Variants in RGS6 observed in about 807,000 individuals in gnomAD.
The protein encoded by RGS6 is regulator of G protein signaling 6.
Under a neutral mutation model 78.5 loss-of-function variants are expected in RGS6, and 30 were observed. The observed-to-expected ratio is 0.38, with a 90% CI of 0.29 to 0.52. The LOEUF (loss-of-function observed/expected upper bound fraction) is 0.52, where lower values mean the gene tolerates loss of function less well. RGS6 is among the 20% of genes least tolerant of loss of function. The probability of loss-of-function intolerance (pLI) is 0.85; values close to 1 mark genes in which losing one functional copy is unlikely to be tolerated. For synonymous variants in RGS6, 206 were observed against 206.0 expected (o/e 1.00, Z 0.00); for missense variants, 495 against 609.7 (o/e 0.81, Z 1.98).
At chr14:72,132,132 A>T (rs2096333321) in intron 2 of RGS6, among the ~76,000 whole-genome samples, 1 of 152,164 alleles carries the variant, frequency 6.6e-6, no homozygotes. Context: ...ATTGGACCTG[A>T]TTAATTTAGA....
chr14:72,134,231 G>T (rs969626039), intron 2 of RGS6, among the ~76,000 whole-genome samples: 2 of 152,042 alleles, frequency 1.3e-5, no homozygotes, highest in African/African-American at 4.8e-5. Context: ...TGAATGTGTT[G>T]CCCATCTCTG....
chr14:71,908,000 C>G, the RGS6 span, among the ~76,000 whole-genome samples: 1 of 152,184 alleles, frequency 6.6e-6, no homozygotes, highest in African/African-American at 2.4e-5. Context: ...TCAGGATGAG[C>G]AGGCACTGAA....
intron 2 of RGS6, among the ~76,000 whole-genome samples, chr14:72,001,391 T>G (rs2083390106): frequency 6.6e-6 from 1 of 152,010 alleles, no homozygotes. Flanking sequence ...CTAGGGCCTT[T>G]TCTAGAAAAA....
At chr14:72,489,155 G>GCCC (rs1443927486) in intron 12 of RGS6, among the ~76,000 whole-genome samples, 5,251 of 114,374 alleles carry the variant, frequency 0.046, 133 homozygotes, top group East Asian at 0.17. Context: ...GGACAAAGGG[G>GCCC]GCCCCCCCAC....
In RGS6 at chr14:72,271,554, A is replaced by G. The variant is rs1405653702; in HGVS notation, c.85-80541A>G. Among the ~76,000 whole-genome samples, 3 of 152,218 alleles carry G rather than the reference A, an allele frequency of 2.0e-5. No individual in the cohort carries two copies. The South Asian group carries it at 6.2e-4, about 32-fold the overall frequency. On this transcript the variant is annotated intron_variant, in intron 2 of 17. Coordinates refer to ENST00000553525, the MANE Select transcript of RGS6 (RefSeq NM_001204424.2). ...CAAGTTCAGACTTGGTCAGTAGTCA[A>G]ATGAGCCTGTGAGAGAATGGTGCCA...
At chr14:72,573,120 G>T in the RGS6 span, among the ~76,000 whole-genome samples, 1 of 152,222 alleles carries the variant, frequency 6.6e-6, no homozygotes, top group East Asian at 1.9e-4. Flanking sequence ...AGAGCGAGTG[G>T]TCCATTTCGG....
At chr14:72,013,271 C>CAAA (rs59579709) in intron 2 of RGS6, among the ~76,000 whole-genome samples, 105 of 76,954 alleles carry the variant, frequency 1.4e-3, no homozygotes, top group Non-Finnish European at 1.7e-3. Context: ...ACTCCGTCTC[C>CAAA]AAAAAAAAAA....
At chr14:72,349,875 T>C (rs1452038263) in intron 2 of RGS6, among the ~76,000 whole-genome samples, 1 of 152,196 alleles carries the variant, frequency 6.6e-6, no homozygotes, top group African/African-American at 2.4e-5. Flanking sequence ...CTTCCAATTC[T>C]CAATGATTTT....
intron 2 of RGS6, among the ~76,000 whole-genome samples, chr14:72,139,276 T>A (rs559001637): frequency 2.6e-5 from 4 of 152,240 alleles, no homozygotes; most frequent in Non-Finnish European, 5.9e-5. Context: ...TCTGCCTAGT[T>A]TTCTAACACT....
chr14:72,423,067 C>T (rs1275802535), intron 3 of RGS6, among the ~76,000 whole-genome samples: 1 of 152,178 alleles, frequency 6.6e-6, no homozygotes, highest in Non-Finnish European at 1.5e-5. Context: ...CAGGTGGCCA[C>T]ACGGCAGGTG....
At chr14:72,139,437 T>C (rs1825456457) in intron 2 of RGS6, among the ~76,000 whole-genome samples, 1 of 152,234 alleles carries the variant, frequency 6.6e-6, no homozygotes, top group South Asian at 2.1e-4. Flanking sequence ...CAACCCACTT[T>C]CTGCTCAGGC....
Position 72,221,591 on chromosome 14 carries a change from C to T in RGS6, c.85-130504C>T, listed in dbSNP as rs139361470. On this transcript the variant is annotated intron_variant, in intron 2 of 17. Transcript: ENST00000553525. ...CATTTTTAAACCCCTGAACAAGTGACGACAATCACTTTTACTTTTTTTTTC... is the reference window on the plus strand; with the variant it reads ...CATTTTTAAACCCCTGAACAAGTGATGACAATCACTTTTACTTTTTTTTTC... 5.7e-4 allele frequency among the ~76,000 whole-genome samples: 86 copies of T among 152,134 alleles called. 1 individual carries two copies. In the South Asian group the frequency reaches 9.5e-3, roughly 17 times the overall value.
chr14:71,877,588 T>G, the RGS6 span, among the ~76,000 whole-genome samples: 1 of 152,236 alleles, frequency 6.6e-6, no homozygotes, highest in East Asian at 1.9e-4. Flanking sequence ...TAATCTTTTT[T>G]CAAGGTTTTT....
the RGS6 span, among the ~76,000 whole-genome samples, chr14:72,575,206 G>A: frequency 5.9e-5 from 9 of 152,260 alleles, no homozygotes; most frequent in Admixed American, 1.3e-4. Flanking sequence ...CAATTGTGAA[G>A]TATCTGGGGT....
chr14:71,986,753 T>C (rs1252680425), intron 2 of RGS6, among the ~76,000 whole-genome samples: 1 of 152,142 alleles, frequency 6.6e-6, no homozygotes, highest in Non-Finnish European at 1.5e-5. Context: ...CATTTTCTTA[T>C]AATTCTAGAA....
chr14:72,124,322 A>G (rs896446321), intron 2 of RGS6, among the ~76,000 whole-genome samples: 3 of 152,194 alleles, frequency 2.0e-5, no homozygotes, highest in Non-Finnish European at 2.9e-5. Flanking sequence ...TGCCTTGTAC[A>G]GTTCGCAGGA....
intron 2 of RGS6, among the ~76,000 whole-genome samples, chr14:72,301,617 A>G (rs1305778462): frequency 6.6e-6 from 1 of 152,156 alleles, no homozygotes; most frequent in Non-Finnish European, 1.5e-5. Flanking sequence ...AGAAATTTGC[A>G]ATCTCAGTTC....
chr14:72,610,796 G>A, the RGS6 span, among the ~76,000 whole-genome samples: 1 of 152,190 alleles, frequency 6.6e-6, no homozygotes, highest in East Asian at 1.9e-4. Context: ...GGGGACCTGA[G>A]GGCTCAGGGC....
intron 2 of RGS6, among the ~76,000 whole-genome samples, chr14:72,250,399 G>GGAA: frequency 8.7e-6 from 1 of 114,288 alleles, no homozygotes; most frequent in South Asian, 3.3e-4. Flanking sequence ...TAAATACACC[G>GGAA]AAAAAAAAAA....
Sources: gnomAD v4.1 joint callset for allele counts (sites outside exome capture counted in the v4.1 genomes callset) on GRCh38, gnomAD v4.1.1 for gene constraint, MANE v1.5 for transcripts, NCBI Gene and HGNC (gene_info 2026-07-23, HGNC 2026-07-21) for gene names.